Variants in SOCS2 observed in about 807,000 individuals in gnomAD.
SOCS2 encodes suppressor of cytokine signaling 2.
Under a neutral mutation model 18.6 loss-of-function variants are expected in SOCS2, and 10 were observed. The ratio of observed to expected loss-of-function variants is 0.54; its 90% confidence interval spans 0.33 to 0.91. SOCS2 has a LOEUF of 0.91. Ranked by LOEUF, SOCS2 falls within the 40% of genes least tolerant of loss-of-function variation. SOCS2 has a pLI of 0.02. For missense variants in SOCS2, 231 were observed against 247.2 expected, an observed-to-expected ratio of 0.93 and a Z score of 0.44; for synonymous variants, 104 against 104.0, an observed-to-expected ratio of 1.00 and a Z score of 0.00.
downstream of SOCS2, among the ~76,000 whole-genome samples, chr12:93,585,904 G>T (rs879584477): frequency 6.6e-6 from 1 of 151,886 alleles, no homozygotes; most frequent in Admixed American, 6.5e-5. Context: ...GCATATAACC[G>T]GCATACACCC....
Position 93,572,748 on chromosome 12 carries a change from AAG to A in SOCS2, c.-147_-146del, listed in dbSNP as rs1397272176. 7 of 990,938 alleles carry A rather than the reference AAG, an allele frequency of 7.1e-6. No homozygotes were observed. Among genetic ancestry groups the A allele is most frequent in the Non-Finnish European group, 1.1e-5 (7 of 647,464 alleles). The allele number at this position is 990,938 out of a possible 1,614,324, so 61.4% of individuals were successfully genotyped here. A position where few individuals can be genotyped will look rare whatever the true frequency, so the allele number is the denominator to read the frequency against. On this transcript the variant is annotated 5_prime_UTR_variant, in exon 1 of 2. Coordinates refer to ENST00000551556, the MANE Select transcript of SOCS2 (RefSeq NM_001270471.2). This position sits in a 1 kb window ranked among gnomAD's most constrained non-coding sequence, Gnocchi z 5.0. ...ATCCGTCCTCCAGGATCTGGGGAGA[AAG>A]AGCCCCATCCCTTCTCTCTCTGCCA...
rs772253258 is a variant in SOCS2 at position 93,572,919 on chromosome 12, C to T, written c.22C>T (p.Pro8Ser). The change falls in exon 1 of 2, where the codon CCC (proline) becomes TCC (serine). Residue 8 changes from proline to serine, a missense_variant. Pro to Ser is a moderately conservative substitution (Grantham distance 74). This residue lies in a region of SOCS2 where 106 missense variants were observed against 103.8 expected (regional missense o/e 1.02). Transcript: ENST00000551556. The surrounding 1 kb of genome is among the most constrained non-coding windows in gnomAD (Gnocchi z 5.0). MTLRCLE[P>S]SGNGGEGTRS... ...TCTCATGACCCTGCGGTGCCTTGAG[C>T]CCTCCGGGAATGGCGGGGAAGGGAC... The T allele has an allele frequency of 1.1e-5, 17 of 1,581,698 alleles. No homozygotes were observed. In the Admixed American group the frequency reaches 2.7e-4, roughly 25 times the overall value.
chr12:93,590,553 T>C, the SOCS2 span, among the ~76,000 whole-genome samples: 2 of 151,584 alleles, frequency 1.3e-5, no homozygotes, highest in South Asian at 4.2e-4. Flanking sequence ...TCCCAGCACT[T>C]TGGGAGGCCG....
At chr12:93,617,300 CT>C in the SOCS2 span, among the ~76,000 whole-genome samples, 1 of 152,122 alleles carries the variant, frequency 6.6e-6, no homozygotes, top group Non-Finnish European at 1.5e-5. Flanking sequence ...TTCTCAGGTA[CT>C]GATAAATTTC....
the SOCS2 span, among the ~76,000 whole-genome samples, chr12:93,598,994 CAACA>C: frequency 1.2e-4 from 18 of 152,164 alleles, no homozygotes; most frequent in Admixed American, 1.1e-3. Flanking sequence ...CTCACCTCCT[CAACA>C]GTTAGTGTTA....
At chr12:93,614,480 T>TTCCTTCCTTTCTTTCCTTCC in the SOCS2 span, among the ~76,000 whole-genome samples, 3 of 26,134 alleles carry the variant, frequency 1.1e-4, 1 homozygote, top group African/African-American at 2.2e-4. Flanking sequence ...CCTTCCTTCC[T>TTCCTTCCTTTCTTTCCTTCC]TTCCTTCCTT....
chr12:93,597,115 G>C, the SOCS2 span, among the ~76,000 whole-genome samples: 6 of 152,126 alleles, frequency 3.9e-5, no homozygotes, highest in African/African-American at 1.4e-4. Context: ...TGTAACTATA[G>C]CACAAGTAAA....
downstream of SOCS2, among the ~76,000 whole-genome samples, chr12:93,587,475 A>T (rs900522661): frequency 1.1e-4 from 16 of 152,168 alleles, no homozygotes; most frequent in South Asian, 1.0e-3. Flanking sequence ...AGGTCAGGAG[A>T]TCGAGACCAT....
the SOCS2 span, among the ~76,000 whole-genome samples, chr12:93,600,761 T>C: frequency 2.0e-5 from 3 of 151,710 alleles, no homozygotes; most frequent in East Asian, 5.8e-4. Flanking sequence ...AAATTTTGAT[T>C]AAATAAAACA....
At chr12:93,615,530 C>T in the SOCS2 span, among the ~76,000 whole-genome samples, 207 of 152,302 alleles carry the variant, frequency 1.4e-3, 2 homozygotes, top group African/African-American at 4.8e-3. Context: ...AGGTATTCTC[C>T]TCTGAGAAGT....
At chr12:93,613,383 C>G in the SOCS2 span, among the ~76,000 whole-genome samples, 2 of 150,182 alleles carry the variant, frequency 1.3e-5, no homozygotes, top group African/African-American at 4.9e-5. Context: ...TTTTCTTTTT[C>G]TTTTTGCTCC....
chr12:93,583,989 G>A (rs934297084), downstream of SOCS2, among the ~76,000 whole-genome samples: 1 of 152,054 alleles, frequency 6.6e-6, no homozygotes, highest in Non-Finnish European at 1.5e-5. Context: ...TCCAGAATTG[G>A]GTAACACTTC....
At chr12:93,601,111 T>C in the SOCS2 span, among the ~76,000 whole-genome samples, 1 of 150,576 alleles carries the variant, frequency 6.6e-6, no homozygotes, top group Non-Finnish European at 1.5e-5. Context: ...TCTCTCTCTT[T>C]TTTTTTTTTT....
At chr12:93,608,514 G>A in the SOCS2 span, among the ~76,000 whole-genome samples, 1 of 151,926 alleles carries the variant, frequency 6.6e-6, no homozygotes, top group Non-Finnish European at 1.5e-5. Context: ...TACTAACTCT[G>A]TGACCTTGGG....
the SOCS2 span, among the ~76,000 whole-genome samples, chr12:93,603,979 G>A: frequency 2.6e-4 from 40 of 152,148 alleles, 1 homozygote; most frequent in Non-Finnish European, 5.1e-4. Flanking sequence ...AATGGCATAT[G>A]GAAAACAACA....
the SOCS2 span, among the ~76,000 whole-genome samples, chr12:93,592,440 C>T: frequency 6.6e-6 from 1 of 152,170 alleles, no homozygotes; most frequent in African/African-American, 2.4e-5. Context: ...AACAACGGTG[C>T]GGTACAAATC....
the SOCS2 span, among the ~76,000 whole-genome samples, chr12:93,596,987 G>A: frequency 6.6e-6 from 1 of 152,146 alleles, no homozygotes; most frequent in Non-Finnish European, 1.5e-5. Flanking sequence ...TCCTTTAAAA[G>A]AACACATTTT....
the SOCS2 span, among the ~76,000 whole-genome samples, chr12:93,606,683 C>T: frequency 1.3e-5 from 2 of 152,198 alleles, no homozygotes; most frequent in African/African-American, 2.4e-5. Context: ...GACAGGGTCT[C>T]GCTCTGTCAC....
chr12:93,577,018 T>C (rs1355720415), downstream of SOCS2, among the ~76,000 whole-genome samples: 1 of 152,242 alleles, frequency 6.6e-6, no homozygotes, highest in African/African-American at 2.4e-5. Context: ...GGATGTTTGA[T>C]TTTTCTGGCA....
Sources: allele counts gnomAD v4.1 joint callset (sites outside exome capture counted in the v4.1 genomes callset), GRCh38; gene constraint gnomAD v4.1.1; regional missense constraint gnomAD v4.1.1; non-coding constraint Gnocchi (gnomAD v3.1); transcripts MANE v1.5; gene names NCBI Gene and HGNC (gene_info 2026-07-23, HGNC 2026-07-21).